The following SKAP1 variants were observed in gnomAD, a reference collection of about 807,000 sequenced individuals.
SKAP1 encodes src kinase-associated phosphoprotein 1.
Under a neutral mutation model 58.5 loss-of-function variants are expected in SKAP1, and 44 were observed. The ratio of observed to expected loss-of-function variants is 0.75; its 90% CI spans 0.59 to 0.97. The LOEUF is 0.97. SKAP1 is among the 50% of genes least tolerant of loss of function. SKAP1 has a pLI of 0.00. For missense variants in SKAP1, 390 were observed against 435.2 expected, an observed-to-expected ratio of 0.90 and a Z score of 0.92; for synonymous variants, 127 against 149.7, an observed-to-expected ratio of 0.85 and a Z score of 1.11.
Position 48,294,076 on chromosome 17 carries a change from C to T in SKAP1, c.280+51829G>A, listed in dbSNP as rs2065932627. On this transcript the variant is annotated intron_variant, in intron 4 of 12. Coordinates refer to ENST00000336915, the MANE Select transcript of SKAP1 (RefSeq NM_003726.4). ...TGGGGATGTATTCACCTTCTGGTAA[C>T]TCTCCAAGCAAGCTGTCACACCTAC... Among the ~76,000 whole-genome samples the T allele has an allele frequency of 2.6e-5, 4 of 152,184 alleles. No individual in the cohort carries two copies. The South Asian group carries it at 8.3e-4, about 31-fold the overall frequency.
chr17:48,204,973 TTTTC>T (rs1555602827), intron 4 of SKAP1, among the ~76,000 whole-genome samples: 66 of 77,326 alleles, frequency 8.5e-4, no homozygotes, highest in Non-Finnish European at 1.1e-3. Flanking sequence ...TTTTCTTTTC[TTTTC>T]TTTCTTTCTT....
intron 1 of SKAP1, among the ~76,000 whole-genome samples, chr17:48,399,162 T>C (rs567918395): frequency 2.6e-5 from 4 of 152,364 alleles, no homozygotes; most frequent in Admixed American, 6.5e-5. Context: ...CTCTGCATTG[T>C]ATCTATTGCA....
chr17:48,408,464 T>G (rs2067617970), intron 1 of SKAP1, among the ~76,000 whole-genome samples: 1 of 152,136 alleles, frequency 6.6e-6, no homozygotes, highest in Non-Finnish European at 1.5e-5. Context: ...GTTCAAATAT[T>G]TGGTAAAAGC....
upstream of SKAP1, among the ~76,000 whole-genome samples, chr17:48,432,399 A>T (rs570169335): frequency 6.6e-6 from 1 of 152,100 alleles, no homozygotes; most frequent in South Asian, 2.1e-4. Flanking sequence ...ATTGCACTCT[A>T]GCCTGGGTGA....
chr17:48,393,966 A>G (rs916324852), intron 2 of SKAP1, among the ~76,000 whole-genome samples: 1 of 152,164 alleles, frequency 6.6e-6, no homozygotes, highest in Admixed American at 6.5e-5. Context: ...CCAGGCACAG[A>G]GACTCAGGCC....
intron 11 of SKAP1, among the ~76,000 whole-genome samples, chr17:48,149,594 C>T (rs1205876254): frequency 6.6e-6 from 1 of 152,126 alleles, no homozygotes; most frequent in East Asian, 1.9e-4. Context: ...TCCTGGATCC[C>T]TCTAGGGGGT....
intron 4 of SKAP1, among the ~76,000 whole-genome samples, chr17:48,324,239 A>G (rs1286949692): frequency 6.6e-6 from 1 of 152,084 alleles, no homozygotes; most frequent in African/African-American, 2.4e-5. Flanking sequence ...TTAATATATC[A>G]TGAACATTTT....
At chr17:48,379,727 G>C (rs969400009) in intron 2 of SKAP1, among the ~76,000 whole-genome samples, 6 of 148,326 alleles carry the variant, frequency 4.0e-5, no homozygotes, top group African/African-American at 1.5e-4. Context: ...TGTTGCCCAG[G>C]CTGGAGTGCA....
chr17:48,215,496 T>C lies in SKAP1; in HGVS notation c.281-25996A>G, dbSNP rs974365876. On this transcript the variant is annotated intron_variant, in intron 4 of 12. Coordinates refer to ENST00000336915, the MANE Select transcript of SKAP1 (RefSeq NM_003726.4). The stretch of plus-strand genomic sequence containing the variant: ...CGAAAGCAGAACCGAAGGAACACCA[T>C]TGGGCAGACGGAGGCTTTGGGCTTT... 4.6e-5 allele frequency among the ~76,000 whole-genome samples: 7 copies of C among 152,114 alleles called. No individual in the cohort carries two copies. In the East Asian group the frequency reaches 5.8e-4, roughly 13 times the overall value.
At chr17:48,404,086 C>A (rs1423883717) in intron 1 of SKAP1, among the ~76,000 whole-genome samples, 5 of 125,822 alleles carry the variant, frequency 4.0e-5, no homozygotes, top group Non-Finnish European at 8.3e-5. Flanking sequence ...GAGACTCTGT[C>A]TCGGAAAAAA....
intron 10 of SKAP1, among the ~76,000 whole-genome samples, chr17:48,166,869 T>G (rs2064147184): frequency 1.1e-5 from 1 of 94,944 alleles, no homozygotes; most frequent in African/African-American, 4.6e-5. Context: ...CAATTTTTCC[T>G]TTTTTTTTTT....
At chr17:48,285,475 C>T (rs1489618307) in intron 4 of SKAP1, among the ~76,000 whole-genome samples, 1 of 152,118 alleles carries the variant, frequency 6.6e-6, no homozygotes, top group Non-Finnish European at 1.5e-5. Flanking sequence ...ATTAGCCGGG[C>T]ATGATGGCGT....
chr17:48,355,419 A>T (rs140935451), intron 3 of SKAP1, among the ~76,000 whole-genome samples: 13 of 152,228 alleles, frequency 8.5e-5, no homozygotes, highest in Non-Finnish European at 1.6e-4. Flanking sequence ...CTGGGACCAC[A>T]GGTGCACACC....
intron 4 of SKAP1, among the ~76,000 whole-genome samples, chr17:48,243,137 C>T (rs1007202048): frequency 6.6e-6 from 1 of 152,114 alleles, no homozygotes; most frequent in Non-Finnish European, 1.5e-5. Context: ...TTTAGGTAAT[C>T]AGATACAAAC....
intron 4 of SKAP1, among the ~76,000 whole-genome samples, chr17:48,333,808 G>A (rs917871959): frequency 3.3e-5 from 5 of 151,896 alleles, no homozygotes; most frequent in Non-Finnish European, 7.4e-5. Context: ...AAATTAGGGG[G>A]AAAACATTTA....
At chr17:48,325,146 G>A (rs1336201634) in intron 4 of SKAP1, among the ~76,000 whole-genome samples, 3 of 151,162 alleles carry the variant, frequency 2.0e-5, no homozygotes, top group East Asian at 3.9e-4. Flanking sequence ...CTACTCGGGA[G>A]GCTGAGGCAG....
At chr17:48,304,937 G>A (rs1306765972) in intron 4 of SKAP1, among the ~76,000 whole-genome samples, 1 of 151,932 alleles carries the variant, frequency 6.6e-6, no homozygotes, top group Non-Finnish European at 1.5e-5. Flanking sequence ...TTTAATAGTA[G>A]TAATGAACTA....
At chr17:48,157,176 C>T (rs2063988735) in intron 11 of SKAP1, among the ~76,000 whole-genome samples, 1 of 151,708 alleles carries the variant, frequency 6.6e-6, no homozygotes. Flanking sequence ...CTGTTACAGG[C>T]ACTTACTTGC....
intron 6 of SKAP1, among the ~76,000 whole-genome samples, chr17:48,186,452 GTTTT>G (rs1384485501): frequency 4.8e-5 from 7 of 147,284 alleles, no homozygotes; most frequent in South Asian, 2.1e-4. Context: ...CAAAGCTGCA[GTTTT>G]TATTTATTTA....
Sources: gnomAD v4.1 joint callset for allele counts (sites outside exome capture counted in the v4.1 genomes callset) on GRCh38, gnomAD v4.1.1 for gene constraint, MANE v1.5 for transcripts, NCBI Gene and HGNC (gene_info 2026-07-23, HGNC 2026-07-21) for gene names.